SMCR8: variants seen among roughly 807,000 people sequenced by gnomAD.
SMCR8 encodes guanine nucleotide exchange protein SMCR8.
Under a neutral mutation model 56.6 loss-of-function variants are expected in SMCR8, and 30 were observed. The ratio of observed to expected loss-of-function variants is 0.53; its 90% confidence interval spans 0.40 to 0.72. SMCR8 has a LOEUF of 0.72. Ranked by LOEUF, SMCR8 falls within the 30% of genes least tolerant of loss-of-function variation. The probability of loss-of-function intolerance (pLI) is 0.00; values close to 1 mark genes in which losing one functional copy is unlikely to be tolerated. For missense variants in SMCR8, 1,198 were observed against 1,157.0 expected (o/e 1.04, Z -0.51); for synonymous variants, 538 against 456.0 (o/e 1.18, Z -2.29).
At chr17:18,322,521 A>G in intron 1 of SMCR8, 96 bp from the exon 2 acceptor site, 1 of 1,104,110 alleles carries the variant, frequency 9.1e-7, no homozygotes, top group Non-Finnish European at 1.3e-6. Context: ...GGCTAGGTGG[A>G]TGCTGGCCTG....
chr17:18,318,067 T>G lies in SMCR8; in HGVS notation c.2278T>G (p.Tyr760Asp). Residue 760 changes from tyrosine (Y) to aspartate (D), a missense_variant, in exon 1 of 2, where the codon TAC (tyrosine) becomes GAC (aspartate). Coordinates refer to ENST00000406438, the MANE Select transcript of SMCR8 (RefSeq NM_144775.3). Reference sequence around the variant, plus strand: ...TATCTTTGTCCCCAGCTATGGCTGCTACGCTAAGCCCGTGAAACATTGGGC... The same window carrying G: ...TATCTTTGTCCCCAGCTATGGCTGCGACGCTAAGCCCGTGAAACATTGGGC... The part of the protein sequence containing the change: ...LAIFVPSYGC[Y>D]AKPVKHWASS... 1 of 1,614,246 alleles carries G rather than the reference T, an allele frequency of 6.2e-7. No individual in the cohort carries two copies. The highest frequency in any genetic ancestry group is 1.1e-5 in the South Asian group (1 of 91,084).
In SMCR8 at chr17:18,324,314, G is replaced by C. The variant is rs1982587054; in HGVS notation, c.*1244G>C. 6.6e-6 allele frequency: 1 copy of C among 152,260 alleles called. No homozygotes were observed. The highest frequency in any genetic ancestry group is 1.5e-5 in the Non-Finnish European group (1 of 68,086). The allele number at this position is 152,260 out of a possible 1,614,324, so 9.4% of individuals were successfully genotyped here. On this transcript the variant is annotated 3_prime_UTR_variant, in exon 2 of 2. Coordinates refer to ENST00000406438, the MANE Select transcript of SMCR8 (RefSeq NM_144775.3). ...TGAGGACAAGTTTGAAACTGGGAAG[G>C]AGACACCCCCTGGTTCCGCCAGCAC...
In SMCR8 at chr17:18,323,117, G is replaced by A. The variant is rs754544300; in HGVS notation, c.*47G>A. 1 of 1,531,836 alleles carries A rather than the reference G, an allele frequency of 6.5e-7. No individual in the cohort carries two copies. Among genetic ancestry groups the A allele is most frequent in the African/African-American group, 1.4e-5 (1 of 73,078 alleles). 94.9% of individuals were successfully genotyped at this position (1,531,836 alleles called of 1,614,324 possible). A position where few individuals can be genotyped will look rare whatever the true frequency, so the allele number is the denominator to read the frequency against. ...CCAAGACCTGTGACTCAGGGTATGG[G>A]GAGGGGAGGGGTTGGCATGACCAAA... On this transcript the variant is annotated 3_prime_UTR_variant, in exon 2 of 2. Coordinates refer to ENST00000406438, the MANE Select transcript of SMCR8 (RefSeq NM_144775.3).
At position 18,316,994 on chromosome 17, in the gene SMCR8, C is replaced by T. The variant is rs1982325878; in HGVS notation, c.1205C>T (p.Ser402Phe). Reference sequence around the variant, plus strand: ...AGTCAAGACAGGCCGCCTTCCAGTTCTCTAGAAGAATGCCCAATTCCTAAA... The same window carrying T: ...AGTCAAGACAGGCCGCCTTCCAGTTTTCTAGAAGAATGCCCAATTCCTAAA... ...KPSQDRPPSS[S>F]LEECPIPKVL... Residue 402 changes from serine to phenylalanine, a missense_variant, in exon 1 of 2, where the codon TCT (serine) becomes TTT (phenylalanine). By Grantham distance (155) the Ser-to-Phe change is radical. Coordinates refer to ENST00000406438, the MANE Select transcript of SMCR8 (RefSeq NM_144775.3). 1 of 1,614,210 alleles carries T rather than the reference C, an allele frequency of 6.2e-7. No individual in the cohort carries two copies. Among genetic ancestry groups the T allele is most frequent in the Non-Finnish European group, 8.5e-7 (1 of 1,180,040 alleles).
At position 18,315,807 on chromosome 17, in the gene SMCR8, C is replaced by G; in HGVS notation, c.18C>G (p.Asp6Glu). The change falls in exon 1 of 2, where the codon GAC becomes GAG. Residue 6 changes from aspartate (D) to glutamate (E), a missense_variant. By Grantham distance (45) the Asp-to-Glu change is conservative. Transcript: ENST00000406438. ...CTGGAAATATGATCAGCGCCCCTGA[C>G]GTAGTGGCCTTCACCAAAGAGGAAG... MISAP[D>E]VVAFTKEEEY... 6.3e-7 allele frequency: 1 copy of G among 1,594,382 alleles called. No individual in the cohort carries two copies.
In SMCR8 at chr17:18,326,104, A is replaced by T. The variant is rs919635743; in HGVS notation, c.*3034A>T. The T allele has an allele frequency of 6.6e-6, 1 of 152,204 alleles. No homozygotes were observed. Among genetic ancestry groups the T allele is most frequent in the Non-Finnish European group, 1.5e-5 (1 of 68,032 alleles). 9.4% of individuals were successfully genotyped at this position (152,204 alleles called of 1,614,324 possible). A position where few individuals can be genotyped will look rare whatever the true frequency, so the allele number is the denominator to read the frequency against. On this transcript the variant is annotated 3_prime_UTR_variant, in exon 2 of 2. Coordinates refer to ENST00000406438, the MANE Select transcript of SMCR8 (RefSeq NM_144775.3). ...TCATTTGAGGTATTCTTCCAGTAGA[A>T]GGTTAGTAAGTTTTTAATGAAACCA...
chr17:18,326,435 C>T lies in SMCR8; in HGVS notation c.*3365C>T, dbSNP rs1315073548. The T allele has an allele frequency of 1.3e-5, 2 of 152,246 alleles. No homozygotes were observed. Among genetic ancestry groups the T allele is most frequent in the African/African-American group, 2.4e-5 (1 of 41,462 alleles). The allele number at this position is 152,246 out of a possible 1,614,324, so 9.4% of individuals were successfully genotyped here. A position where few individuals can be genotyped will look rare whatever the true frequency, so the allele number is the denominator to read the frequency against. On this transcript the variant is annotated 3_prime_UTR_variant, in exon 2 of 2. Transcript: ENST00000406438. ...CATGCCTGTTTCCCCAGGAACCTCA[C>T]TCCTTTGGTAGAACCTTGGGATTTT...
chr17:18,322,976 A>C lies in SMCR8; in HGVS notation c.2720A>C (p.Glu907Ala). The change falls in exon 2 of 2, where the codon GAG (glutamate) becomes GCG (alanine). Residue 907 changes from glutamate to alanine, a missense_variant. Transcript: ENST00000406438. The stretch of plus-strand genomic sequence containing the variant: ...GTTAGGGTGGTCCAGTACCTGGCTG[A>C]GCTGCTGAAGCTGCACTACATGCAG... ...EDVRVVQYLA[E>A]LLKLHYMQES... is the part of the protein sequence containing the mutation. The C allele has an allele frequency of 6.2e-7, 1 of 1,614,204 alleles. No individual in the cohort carries two copies. The highest frequency in any genetic ancestry group is 8.5e-7 in the Non-Finnish European group (1 of 1,180,046).
In SMCR8 at chr17:18,327,324, T is replaced by C. The variant is rs1264090718; in HGVS notation, c.*4254T>C. 1 of 152,284 alleles carries C rather than the reference T, an allele frequency of 6.6e-6. No individual in the cohort carries two copies. Among genetic ancestry groups the C allele is most frequent in the East Asian group, 1.9e-4 (1 of 5,198 alleles). 9.4% of individuals were successfully genotyped at this position (152,284 alleles called of 1,614,324 possible). The stretch of plus-strand genomic sequence containing the variant: ...AATCTGTTGGTAGGGGCCCAGCTTC[T>C]TGGGAGTGCTTATTCAGCCCAAGAG... On this transcript the variant is annotated 3_prime_UTR_variant, in exon 2 of 2. Transcript: ENST00000406438.
intron 1 of SMCR8, among the ~76,000 whole-genome samples, chr17:18,320,068 C>T (rs566067973): frequency 1.2e-3 from 180 of 152,300 alleles, no homozygotes; most frequent in African/African-American, 4.2e-3. Flanking sequence ...AAGCCCAGAC[C>T]GAAAAGCAGA....
In SMCR8 at chr17:18,326,392, C is replaced by G. The variant is rs1349986453; in HGVS notation, c.*3322C>G. 6.6e-6 allele frequency: 1 copy of G among 152,250 alleles called. No individual in the cohort carries two copies. Among genetic ancestry groups the G allele is most frequent in the Non-Finnish European group, 1.5e-5 (1 of 68,050 alleles). The allele number at this position is 152,250 out of a possible 1,614,324, so 9.4% of individuals were successfully genotyped here. The stretch of plus-strand genomic sequence containing the variant: ...GCTTTTTATATCGCACAGGACACAT[C>G]AGCCTGAGCTGCTGCCTCATGCCTG... On this transcript the variant is annotated 3_prime_UTR_variant, in exon 2 of 2. Transcript: ENST00000406438.
rs969763347 is a variant in SMCR8 at position 18,327,101 on chromosome 17, G to A, written c.*4031G>A. 1.3e-5 allele frequency: 2 copies of A among 152,288 alleles called. No homozygotes were observed. Among genetic ancestry groups the A allele is most frequent in the Non-Finnish European group, 2.9e-5 (2 of 68,044 alleles). The allele number at this position is 152,288 out of a possible 1,614,324, so 9.4% of individuals were successfully genotyped here. A position where few individuals can be genotyped will look rare whatever the true frequency, so the allele number is the denominator to read the frequency against. On this transcript the variant is annotated 3_prime_UTR_variant, in exon 2 of 2. Transcript: ENST00000406438. ...CACTGCAAAAAGGAAAAAGCATCAA[G>A]TTTCTACTTCTGGCTGGAAAGCAAA... is the stretch of plus-strand genomic sequence containing the variant.
chr17:18,327,164 TC>T lies in SMCR8; in HGVS notation c.*4096del, dbSNP rs1268536571. On this transcript the variant is annotated 3_prime_UTR_variant, in exon 2 of 2. Transcript: ENST00000406438. Reference sequence around the variant, plus strand: ...TGACAAGGCTGGGCAAACTAAGTTTTCCTGAGCCCATTTTCCTTTGAGCCCT... The same window carrying T: ...TGACAAGGCTGGGCAAACTAAGTTTTCTGAGCCCATTTTCCTTTGAGCCCT... 6.6e-6 allele frequency: 1 copy of T among 152,182 alleles called. No homozygotes were observed. Among genetic ancestry groups the T allele is most frequent in the Non-Finnish European group, 1.5e-5 (1 of 68,052 alleles). 9.4% of individuals were successfully genotyped at this position (152,182 alleles called of 1,614,324 possible). A position where few individuals can be genotyped will look rare whatever the true frequency, so the allele number is the denominator to read the frequency against.
Position 18,316,093 on chromosome 17 carries a change from T to G in SMCR8, c.304T>G (p.Ser102Ala), listed in dbSNP as rs1451082040. The G allele has an allele frequency of 6.2e-7, 1 of 1,614,158 alleles. No homozygotes were observed. The highest frequency in any genetic ancestry group is 1.7e-5 in the Admixed American group (1 of 60,028). The change falls in exon 1 of 2, where the codon TCC becomes GCC. Residue 102 changes from serine (S) to alanine (A), a missense_variant. Coordinates refer to ENST00000406438, the MANE Select transcript of SMCR8 (RefSeq NM_144775.3). Reference protein sequence around the residue: ...LRIMSVDYQASFVGHPPGSAY... With the variant: ...LRIMSVDYQAAFVGHPPGSAY... ...TATCATGTCTGTGGATTACCAGGCT[T>G]CCTTCGTGGGCCATCCTCCTGGATC...
intron 1 of SMCR8, among the ~76,000 whole-genome samples, chr17:18,318,496 C>T (rs1053516341): frequency 3.9e-5 from 6 of 152,144 alleles, no homozygotes; most frequent in African/African-American, 1.4e-4. Flanking sequence ...CTCCGCCTCC[C>T]GGGTTCAAGC....
chr17:18,321,079 T>G (rs932107676), intron 1 of SMCR8, among the ~76,000 whole-genome samples: 2 of 152,240 alleles, frequency 1.3e-5, no homozygotes, highest in African/African-American at 4.8e-5. Context: ...TGGGATGTTA[T>G]AGATGCTCTG....
Position 18,318,106 on chromosome 17 carries a change from C to T in SMCR8, c.2317C>T (p.His773Tyr). 1 of 1,613,844 alleles carries T rather than the reference C, an allele frequency of 6.2e-7. No homozygotes were observed. The highest frequency in any genetic ancestry group is 8.5e-7 in the Non-Finnish European group (1 of 1,179,694). The change falls in exon 1 of 2, where the codon CAC becomes TAC. Residue 773 changes from histidine (H) to tyrosine (Y), a missense_variant. Physicochemically the swap from His to Tyr is moderately conservative, Grantham distance 83. Coordinates refer to ENST00000406438, the MANE Select transcript of SMCR8 (RefSeq NM_144775.3). Reference protein sequence around the residue: ...PVKHWASSPLHIMDFQKWKLI... With the variant: ...PVKHWASSPLYIMDFQKWKLI... Reference sequence around the variant, plus strand: ...GAAACATTGGGCCTCCTCCCCTTTGCACATTATGGATTTTCAGAAGTGGAA... The same window carrying T: ...GAAACATTGGGCCTCCTCCCCTTTGTACATTATGGATTTTCAGAAGTGGAA...
chr17:18,315,950 C>T lies in SMCR8; in HGVS notation c.161C>T (p.Ser54Leu). 6.2e-7 allele frequency: 1 copy of T among 1,614,154 alleles called. No individual in the cohort carries two copies. Among genetic ancestry groups the T allele is most frequent in the African/African-American group, 1.3e-5 (1 of 75,028 alleles). Reference protein sequence around the residue: ...PWSKLSGAKFSRDFILISEFS... With the variant: ...PWSKLSGAKFLRDFILISEFS... ...TCAAAACTGTCCGGGGCCAAGTTTTCGAGGGACTTCATTCTTATTTCCGAG... is the reference window on the plus strand; with the variant it reads ...TCAAAACTGTCCGGGGCCAAGTTTTTGAGGGACTTCATTCTTATTTCCGAG... The change falls in exon 1 of 2, where the codon TCG (serine) becomes TTG (leucine). Residue 54 changes from serine (S) to leucine (L), a missense_variant. Ser to Leu is a moderately radical substitution (Grantham distance 145, BLOSUM62 -2). Transcript: ENST00000406438.
rs756267628 is a variant in SMCR8, at chr17:18,317,022, G to A, written c.1233G>A (p.Val411=). 1.2e-6 allele frequency: 2 copies of A among 1,614,192 alleles called. No homozygotes were observed. The highest frequency in any genetic ancestry group is 2.2e-5 in the South Asian group (2 of 91,088). Reference sequence around the variant, plus strand: ...TAGAAGAATGCCCAATTCCTAAAGTGTTAATTAGTGTTGGTTCTTACAAGT... The same window carrying A: ...TAGAAGAATGCCCAATTCCTAAAGTATTAATTAGTGTTGGTTCTTACAAGT... ...SSLEECPIPK[V]LISVGSYKSS... The change falls in exon 1 of 2, where the codon GTG becomes GTA. Residue 411 remains valine (V), a synonymous_variant. Coordinates refer to ENST00000406438, the MANE Select transcript of SMCR8 (RefSeq NM_144775.3).
Sources: gnomAD v4.1 joint callset for allele counts (sites outside exome capture counted in the v4.1 genomes callset) on GRCh38, gnomAD v4.1.1 for gene constraint, MANE v1.5 for transcripts, NCBI Gene and HGNC (gene_info 2026-07-23, HGNC 2026-07-21) for gene names.